THSD7A: variants seen among roughly 807,000 people sequenced by gnomAD.
The protein encoded by THSD7A is thrombospondin type-1 domain-containing protein 7A.
A neutral mutation model predicts 231.3 loss-of-function variants in THSD7A; 96 were observed. That is an observed-to-expected ratio of 0.41 (90% CI 0.35 to 0.49). The LOEUF (loss-of-function observed/expected upper bound fraction) is 0.49. THSD7A is among the 20% of genes least tolerant of loss of function. THSD7A has a pLI of 0.05. For missense variants in THSD7A, 2,290 were observed against 2,070.2 expected, an observed-to-expected ratio of 1.11 and a Z score of -2.06; for synonymous variants, 940 against 743.3, an observed-to-expected ratio of 1.26 and a Z score of -4.30.
intron 4 of THSD7A, among the ~76,000 whole-genome samples, chr7:11,547,633 A>G (rs1789454840): frequency 6.6e-6 from 1 of 152,178 alleles, no homozygotes; most frequent in Non-Finnish European, 1.5e-5. Flanking sequence ...AAAAAAATAA[A>G]AATAAAAAAC....
intron 2 of THSD7A, among the ~76,000 whole-genome samples, chr7:11,618,777 C>T (rs1369084509): frequency 6.8e-6 from 1 of 146,694 alleles, no homozygotes; most frequent in South Asian, 2.2e-4. Context: ...GGAGACAGAG[C>T]GAGACTCTGA....
In THSD7A at chr7:11,377,735, A is replaced by G. The variant is rs571622237; in HGVS notation, c.4802-1078T>C. On this transcript the variant is annotated intron_variant, in intron 26 of 27. Transcript: ENST00000423059. This position sits in a 1 kb window ranked among gnomAD's most constrained non-coding sequence, Gnocchi z 4.5. ...ATCTCTGTTGAGAGTTTCTTCAACAAATGTTTTTTGGGGTTTTTCAAAATC... is the reference window on the plus strand; with the variant it reads ...ATCTCTGTTGAGAGTTTCTTCAACAGATGTTTTTTGGGGTTTTTCAAAATC... 3 of 152,222 alleles carry G rather than the reference A, an allele frequency of 2.0e-5. No homozygotes were observed. The highest frequency in any genetic ancestry group is 4.4e-5 in the Non-Finnish European group (3 of 67,998). The allele number at this position is 152,222 out of a possible 1,614,324, so 9.4% of individuals were successfully genotyped here. A position where few individuals can be genotyped will look rare whatever the true frequency, so the allele number is the denominator to read the frequency against.
At chr7:11,591,950 C>G (rs1190543180) in intron 3 of THSD7A, among the ~76,000 whole-genome samples, 3 of 152,074 alleles carry the variant, frequency 2.0e-5, no homozygotes, top group Non-Finnish European at 4.4e-5. Context: ...ATGCTTCCCC[C>G]CAAAAAGGGC....
chr7:11,607,219 T>C (rs897208248), intron 2 of THSD7A, among the ~76,000 whole-genome samples: 1 of 152,082 alleles, frequency 6.6e-6, no homozygotes, highest in African/African-American at 2.4e-5. Context: ...TTCCGACAAA[T>C]CTATTGTTTG....
chr7:11,643,603 G>GCGCA lies in THSD7A; in HGVS notation c.191-6643_191-6642insTGCG, dbSNP rs1554259053. Among the ~76,000 whole-genome samples, 94 of 149,600 alleles carry GCGCA rather than the reference G, an allele frequency of 6.3e-4. 1 individual carries two copies. The South Asian group carries it at 0.013, about 21-fold the overall frequency. On this transcript the variant is annotated intron_variant, in intron 1 of 27. Transcript: ENST00000423059. ...CAACAGATACACCACACGCACGCGC[G>GCGCA]CACACACACACACACACACAGATTG... is the stretch of plus-strand genomic sequence containing the variant.
At chr7:11,799,099 T>C (rs1334622153) in intron 1 of THSD7A, among the ~76,000 whole-genome samples, 3 of 152,046 alleles carry the variant, frequency 2.0e-5, no homozygotes, top group African/African-American at 4.8e-5. Context: ...ATTTTTGTAT[T>C]TTTGGTAGAG....
At position 11,814,858 on chromosome 7, in the gene THSD7A, G is replaced by A. The variant is rs553355292; in HGVS notation, c.190+16899C>T. ...AGAAGCTGTTTGATAAGAGTGATTG[G>A]ATCTTCTGATCTTTGCTGCATTTCT... On this transcript the variant is annotated intron_variant, in intron 1 of 27. Coordinates refer to ENST00000423059, the MANE Select transcript of THSD7A (RefSeq NM_015204.3). This position sits in a 1 kb window ranked among gnomAD's most constrained non-coding sequence, Gnocchi z 5.1. Among the ~76,000 whole-genome samples, 21 of 152,122 alleles carry A rather than the reference G, an allele frequency of 1.4e-4. No homozygotes were observed. Among genetic ancestry groups the A allele is most frequent in the African/African-American group, 4.8e-4 (20 of 41,524 alleles).
intron 1 of THSD7A, among the ~76,000 whole-genome samples, chr7:11,821,481 A>G (rs1266806139): frequency 1.3e-5 from 2 of 152,068 alleles, no homozygotes; most frequent in Admixed American, 6.6e-5. Context: ...CTTAAAAGAG[A>G]AAACAGAACA....
chr7:11,611,572 G>C (rs1780921455), intron 2 of THSD7A, among the ~76,000 whole-genome samples: 1 of 151,544 alleles, frequency 6.6e-6, no homozygotes, highest in African/African-American at 2.4e-5. Context: ...TGGTTTGTTA[G>C]GCATTAAACA....
At chr7:11,650,461 T>C (rs1355098513) in intron 1 of THSD7A, among the ~76,000 whole-genome samples, 2 of 152,060 alleles carry the variant, frequency 1.3e-5, no homozygotes, top group African/African-American at 4.8e-5. Context: ...CTACTATATT[T>C]CCACCCAGCA....
At chr7:11,410,105 T>G (rs376180754) in intron 19 of THSD7A, among the ~76,000 whole-genome samples, 1 of 152,150 alleles carries the variant, frequency 6.6e-6, no homozygotes, top group African/African-American at 2.4e-5. Context: ...GAAACTAAAA[T>G]GATTCAAGTG....
At chr7:11,568,338 T>C (rs993890434) in intron 4 of THSD7A, among the ~76,000 whole-genome samples, 1 of 152,052 alleles carries the variant, frequency 6.6e-6, no homozygotes, top group African/African-American at 2.4e-5. Context: ...CAAATATCAC[T>C]TAAAATGGAA....
intron 23 of THSD7A, among the ~76,000 whole-genome samples, chr7:11,386,898 G>A (rs1782766747): frequency 6.6e-6 from 1 of 152,284 alleles, no homozygotes; most frequent in African/African-American, 2.4e-5. Flanking sequence ...TAAGGTGTAA[G>A]GAAGGGGTCC....
Position 11,474,850 on chromosome 7 carries a change from A to T in THSD7A, c.2018-282T>A, listed in dbSNP as rs1031707103. Among the ~76,000 whole-genome samples, 20 of 152,140 alleles carry T rather than the reference A, an allele frequency of 1.3e-4. No individual in the cohort carries two copies. The highest frequency in any genetic ancestry group is 4.6e-4 in the African/African-American group (19 of 41,442). On this transcript the variant is annotated intron_variant, in intron 7 of 27. Coordinates refer to ENST00000423059, the MANE Select transcript of THSD7A (RefSeq NM_015204.3). This position sits in a 1 kb window ranked among gnomAD's most constrained non-coding sequence, Gnocchi z 4.1. The stretch of plus-strand genomic sequence containing the variant: ...TAATTCTAGATAGAATGAAATAATT[A>T]TATTGTGCGGTATTTAGTATAACTG...
At chr7:11,689,509 T>A (rs909816743) in intron 1 of THSD7A, among the ~76,000 whole-genome samples, 1 of 151,700 alleles carries the variant, frequency 6.6e-6, no homozygotes, top group African/African-American at 2.4e-5. Context: ...TTTCCTTTTT[T>A]GTCAATTGAA....
At chr7:11,796,617 A>T (rs1207452168) in intron 1 of THSD7A, among the ~76,000 whole-genome samples, 1 of 143,436 alleles carries the variant, frequency 7.0e-6, no homozygotes, top group Non-Finnish European at 1.5e-5. Context: ...CTCTTGTAAG[A>T]TTATCTCTAA....
chr7:11,626,456 T>A lies in THSD7A; in HGVS notation c.1022+9674A>T, dbSNP rs1781475209. Among the ~76,000 whole-genome samples, 3 of 152,094 alleles carry A rather than the reference T, an allele frequency of 2.0e-5. No homozygotes were observed. The South Asian group carries it at 6.2e-4, about 32-fold the overall frequency. ...CCCAATAATGTGATTTTAAAAATAC[T>A]CCTGAAAAGTAAAAGGAGAGGTGAA... On this transcript the variant is annotated intron_variant, in intron 2 of 27. Coordinates refer to ENST00000423059, the MANE Select transcript of THSD7A (RefSeq NM_015204.3).
chr7:11,671,035 T>C (rs970508431), intron 1 of THSD7A, among the ~76,000 whole-genome samples: 1 of 152,200 alleles, frequency 6.6e-6, no homozygotes, highest in African/African-American at 2.4e-5. Context: ...GAAGTTTTAT[T>C]GTGAGCAGTT....
chr7:11,570,895 T>C (rs1790598404), intron 4 of THSD7A, among the ~76,000 whole-genome samples: 1 of 152,180 alleles, frequency 6.6e-6, no homozygotes, highest in South Asian at 2.1e-4. Context: ...TAGAGGTAGA[T>C]CCAAAACAAG....
Sources: gnomAD v4.1 joint callset for allele counts (sites outside exome capture counted in the v4.1 genomes callset) on GRCh38, gnomAD v4.1.1 for gene constraint, Gnocchi (gnomAD v3.1) non-coding constraint, MANE v1.5 for transcripts, NCBI Gene and HGNC (gene_info 2026-07-23, HGNC 2026-07-21) for gene names.